ROBO2: variants seen among roughly 807,000 people sequenced by gnomAD.
The protein encoded by ROBO2 is roundabout homolog 2.
ROBO2 carries 53 observed loss-of-function variants against 160.8 expected under a neutral mutation model. The observed-to-expected ratio is 0.33, with a 90% CI of 0.26 to 0.41. The LOEUF is 0.41. Among genes scored for constraint, ROBO2 ranks in the 10% least tolerant of loss-of-function variants. ROBO2 has a pLI of 1.00. For missense variants in ROBO2, 1,577 were observed against 1,722.4 expected (o/e 0.92, Z 1.49); for synonymous variants, 664 against 611.7 (o/e 1.09, Z -1.26).
In ROBO2 at chr3:77,050,317, G is replaced by A. The variant is rs187043392; in HGVS notation, c.61+9471G>A. On this transcript the variant is annotated intron_variant, in intron 1 of 25. Coordinates refer to ENST00000461745, the Ensembl canonical transcript of ROBO2. ...AAGCATTTCACCTTCCTCATCTTAA[G>A]TATATAACCGTTTGTGTATTCTAAG... 3.8e-4 allele frequency among the ~76,000 whole-genome samples: 58 copies of A among 151,770 alleles called. No individual in the cohort carries two copies. The East Asian group carries it at 3.9e-3, about 10-fold the overall frequency.
chr3:76,927,624 T>C (rs1174481131), intron 2 of ROBO2, among the ~76,000 whole-genome samples: 2 of 152,192 alleles, frequency 1.3e-5, no homozygotes, highest in Non-Finnish European at 2.9e-5. Flanking sequence ...CCTTTTCAAC[T>C]TGGCCAAGAA....
intron 2 of ROBO2, among the ~76,000 whole-genome samples, chr3:76,026,855 G>A (rs2066763625): frequency 6.6e-6 from 1 of 151,894 alleles, no homozygotes; most frequent in African/African-American, 2.4e-5. Context: ...AGATATTTGA[G>A]TGAAAAGGGC....
At chr3:76,958,431 G>A (rs1373359832) in intron 2 of ROBO2, among the ~76,000 whole-genome samples, 1 of 152,216 alleles carries the variant, frequency 6.6e-6, no homozygotes, top group Non-Finnish European at 1.5e-5. Flanking sequence ...AAATTGCACT[G>A]AATGTACACA....
intron 2 of ROBO2, among the ~76,000 whole-genome samples, chr3:76,565,383 T>C (rs2084449704): frequency 6.6e-6 from 1 of 152,206 alleles, no homozygotes; most frequent in Non-Finnish European, 1.5e-5. Flanking sequence ...TGACATACGA[T>C]AGCCACAGAA....
At position 77,641,040 on chromosome 3, in the gene ROBO2, C is replaced by CT. The variant is rs2095343748; in HGVS notation, c.3935-3663dup. ...ACAATAATTTCTCCTCACTGGCAGT[C>CT]TAAGTTCAATCAATCAAATGAAATA... On this transcript the variant is annotated intron_variant, in intron 24 of 25. Transcript: ENST00000461745. Among the ~76,000 whole-genome samples, 7 of 152,234 alleles carry CT rather than the reference C, an allele frequency of 4.6e-5. No homozygotes were observed. In the South Asian group the frequency reaches 1.5e-3, roughly 32 times the overall value.
At chr3:76,868,598 G>A (rs2071636261) in intron 2 of ROBO2, among the ~76,000 whole-genome samples, 2 of 151,998 alleles carry the variant, frequency 1.3e-5, no homozygotes, top group Non-Finnish European at 2.9e-5. Context: ...TAACTAAGTC[G>A]AATATATGTA....
Position 76,244,704 on chromosome 3 carries a change from C to T in ROBO2, c.109+307102C>T, listed in dbSNP as rs1419716927. On this transcript the variant is annotated intron_variant, in intron 2 of 26. Transcript: ENST00000487694. The stretch of plus-strand genomic sequence containing the variant: ...GTCAGGAGCCTGGAAATCTAGACCT[C>T]GCACTGAGGCAAAAAGAAAAGTATG... Among the ~76,000 whole-genome samples, 6 of 152,162 alleles carry T rather than the reference C, an allele frequency of 3.9e-5. No individual in the cohort carries two copies. The South Asian group carries it at 1.2e-3, about 32-fold the overall frequency.
intron 2 of ROBO2, among the ~76,000 whole-genome samples, chr3:77,466,573 G>A (rs1241402010): frequency 6.6e-6 from 1 of 152,158 alleles, no homozygotes. Flanking sequence ...GAAATTAGCA[G>A]AATCAAGTTG....
intron 2 of ROBO2, among the ~76,000 whole-genome samples, chr3:76,472,731 A>G (rs1265882359): frequency 1.3e-5 from 2 of 152,194 alleles, no homozygotes; most frequent in Non-Finnish European, 2.9e-5. Context: ...TTGGTCTTAT[A>G]TGGAAAAACA....
At chr3:76,788,802 C>T (rs79793359) in intron 2 of ROBO2, among the ~76,000 whole-genome samples, 8 of 151,376 alleles carry the variant, frequency 5.3e-5, no homozygotes, top group East Asian at 3.9e-4. Context: ...TGATATAGCA[C>T]GGTTCCATAA....
intron 1 of ROBO2, among the ~76,000 whole-genome samples, chr3:77,064,773 C>T (rs1291642430): frequency 6.6e-6 from 1 of 152,170 alleles, no homozygotes. Context: ...ATGATTTGTG[C>T]TTCCTTACTC....
chr3:77,445,716 G>T (rs948471008), intron 2 of ROBO2, among the ~76,000 whole-genome samples: 2 of 151,116 alleles, frequency 1.3e-5, no homozygotes, highest in Admixed American at 1.3e-4. Flanking sequence ...ATAAAAATAT[G>T]CATGTATTTT....
rs115787044 is a variant in ROBO2 at position 76,877,253 on chromosome 3, A to G, written c.110-220761A>G. 4.3e-3 allele frequency among the ~76,000 whole-genome samples: 657 copies of G among 152,316 alleles called. 4 individuals are homozygous for G. Among genetic ancestry groups the G allele is most frequent in the African/African-American group, 0.014 (583 of 41,580 alleles). On this transcript the variant is annotated intron_variant, in intron 2 of 26. Transcript: ENST00000487694. ...AATATTAGCTTAAGGTTTTTCTTAG[A>G]AGTGCTCTGGTTCTAGTCAAAAGAT...
In ROBO2 at chr3:76,885,494, T is replaced by C. The variant is rs951320602; in HGVS notation, c.110-212520T>C. 2.0e-5 allele frequency among the ~76,000 whole-genome samples: 3 copies of C among 152,188 alleles called. 1 individual carries two copies. The East Asian group carries it at 5.8e-4, about 29-fold the overall frequency. ...TGTTATACGTTTTATCATAATTTAT[T>C]AATGATAGAGTTAATAAGCAAGCCC... On this transcript the variant is annotated intron_variant, in intron 2 of 26. Transcript: ENST00000487694.
chr3:76,028,113 T>C (rs753389199), intron 2 of ROBO2, among the ~76,000 whole-genome samples: 4 of 151,210 alleles, frequency 2.6e-5, no homozygotes, highest in Non-Finnish European at 4.4e-5. Flanking sequence ...TATGATTTTA[T>C]TAAAAATATA....
intron 2 of ROBO2, among the ~76,000 whole-genome samples, chr3:76,264,344 C>T (rs34311896): frequency 1.1e-3 from 124 of 114,228 alleles, no homozygotes; most frequent in African/African-American, 2.4e-3. Context: ...TTTTTTTTTT[C>T]CCCCTTGGTG....
chr3:77,565,251 G>A (rs2093445870), intron 12 of ROBO2, 131 bp downstream of exon 13: 6 of 1,056,312 alleles, frequency 5.7e-6, no homozygotes, highest in Non-Finnish European at 8.8e-6. Context: ...CTTTATCCAG[G>A]GAAGGAGAAG....
At chr3:77,095,015 A>G (rs543310808) in intron 1 of ROBO2, among the ~76,000 whole-genome samples, 1 of 152,268 alleles carries the variant, frequency 6.6e-6, no homozygotes, top group African/African-American at 2.4e-5. Context: ...GTATTTAAAA[A>G]TTTTATAACA....
chr3:76,037,393 G>A (rs1277344686), intron 2 of ROBO2, among the ~76,000 whole-genome samples: 1 of 151,706 alleles, frequency 6.6e-6, no homozygotes, highest in East Asian at 1.9e-4. Flanking sequence ...AAGCAGCTGG[G>A]ATTACAGGTG....
Sources: gnomAD v4.1 joint callset for allele counts (sites outside exome capture counted in the v4.1 genomes callset) on GRCh38, gnomAD v4.1.1 for gene constraint, MANE v1.5 for transcripts, NCBI Gene and HGNC (gene_info 2026-07-23, HGNC 2026-07-21) for gene names.